RBFOX1: variants seen among roughly 807,000 people sequenced by gnomAD.
The protein encoded by RBFOX1 is RNA binding protein fox-1 homolog 1.
In RBFOX1, 8 loss-of-function variants were observed where a neutral mutation model predicts 57.7. The ratio of observed to expected loss-of-function variants is 0.14; its 90% CI spans 0.08 to 0.25. The LOEUF is 0.25. Among genes scored for constraint, RBFOX1 ranks in the 10% least tolerant of loss-of-function variants. The probability of loss-of-function intolerance (pLI) is 1.00; values close to 1 mark genes in which losing one functional copy is unlikely to be tolerated. For synonymous variants in RBFOX1, 326 were observed against 222.4 expected, an observed-to-expected ratio of 1.47 and a Z score of -4.15; for missense variants, 611 against 548.5, an observed-to-expected ratio of 1.11 and a Z score of -1.14.
intron 3 of RBFOX1, among the ~76,000 whole-genome samples, chr16:7,004,499 A>T (rs1344303798): frequency 6.6e-6 from 1 of 152,162 alleles, no homozygotes; most frequent in Non-Finnish European, 1.5e-5. Flanking sequence ...AGGATCAGTA[A>T]GTTGGTATGC....
At chr16:7,340,530 C>A (rs1363028784) in intron 4 of RBFOX1, among the ~76,000 whole-genome samples, 1 of 152,196 alleles carries the variant, frequency 6.6e-6, no homozygotes, top group Non-Finnish European at 1.5e-5. Context: ...TTTTTACAGA[C>A]TAGTAAGTCA....
intron 4 of RBFOX1, among the ~76,000 whole-genome samples, chr16:7,079,403 A>G (rs1190707128): frequency 2.0e-5 from 3 of 152,192 alleles, no homozygotes; most frequent in Non-Finnish European, 4.4e-5. Flanking sequence ...AATGCTTCAT[A>G]TGGAAAGTTC....
intron 9 of RBFOX1, among the ~76,000 whole-genome samples, chr16:7,599,826 G>A (rs997921619): frequency 5.3e-5 from 8 of 150,622 alleles, no homozygotes; most frequent in Admixed American, 2.6e-4. Flanking sequence ...TTGTAGAGAC[G>A]GAGTTTCACC....
intron 2 of RBFOX1, among the ~76,000 whole-genome samples, chr16:6,368,741 C>A (rs2090021379): frequency 6.6e-6 from 1 of 152,208 alleles, no homozygotes; most frequent in Non-Finnish European, 1.5e-5. Flanking sequence ...CATGTTTACA[C>A]ATGACAGGCA....
intron 2 of RBFOX1, among the ~76,000 whole-genome samples, chr16:5,485,068 T>C (rs1227407685): frequency 6.7e-6 from 1 of 149,206 alleles, no homozygotes; most frequent in African/African-American, 2.5e-5. Context: ...AAGTTAAGGC[T>C]GGGCACAGTG....
intron 3 of RBFOX1, among the ~76,000 whole-genome samples, chr16:7,047,088 A>G (rs1248587856): frequency 6.7e-6 from 1 of 149,702 alleles, no homozygotes; most frequent in African/African-American, 2.5e-5. Context: ...ACATATTTTA[A>G]TGAACTCAAG....
At chr16:5,555,054 C>G (rs890461933) in intron 2 of RBFOX1, among the ~76,000 whole-genome samples, 1 of 152,076 alleles carries the variant, frequency 6.6e-6, no homozygotes, top group Non-Finnish European at 1.5e-5. Flanking sequence ...GAGAAGTTTT[C>G]TTTAATTAAT....
chr16:5,958,584 T>A (rs927690849), intron 4 of RBFOX1, among the ~76,000 whole-genome samples: 1 of 152,224 alleles, frequency 6.6e-6, no homozygotes, highest in Non-Finnish European at 1.5e-5. Flanking sequence ...AATGAGATAA[T>A]ACAGGTGTAT....
chr16:6,505,788 G>A (rs886848265), intron 2 of RBFOX1, among the ~76,000 whole-genome samples: 1 of 152,180 alleles, frequency 6.6e-6, no homozygotes, highest in African/African-American at 2.4e-5. Flanking sequence ...AGAATTCCTT[G>A]GAGGCAGTGG....
At chr16:6,964,283 T>C (rs55671384) in intron 3 of RBFOX1, among the ~76,000 whole-genome samples, 2 of 152,030 alleles carry the variant, frequency 1.3e-5, no homozygotes, top group African/African-American at 4.8e-5. Context: ...CCTCCCAAAG[T>C]GGTGGGATTA....
intron 4 of RBFOX1, among the ~76,000 whole-genome samples, chr16:7,401,215 G>T (rs910665940): frequency 6.6e-6 from 1 of 152,182 alleles, no homozygotes; most frequent in Admixed American, 6.5e-5. Flanking sequence ...AGTAGTTGGC[G>T]TAAAACCATT....
At chr16:6,741,985 C>T (rs2345490) in intron 3 of RBFOX1, among the ~76,000 whole-genome samples, 106,531 of 152,020 alleles carry the variant, frequency 0.7, 37,331 homozygotes, top group South Asian at 0.78. Flanking sequence ...GAGTAGATTT[C>T]AAATGTTTTC....
chr16:6,083,413 T>G (rs17139340), intron 1 of RBFOX1, among the ~76,000 whole-genome samples: 4,221 of 152,270 alleles, frequency 0.028, 97 homozygotes, highest in Admixed American at 0.056. Flanking sequence ...GATATGCTGT[T>G]GAAGTTTATT....
chr16:7,488,412 G>T (rs2065983378), intron 4 of RBFOX1, among the ~76,000 whole-genome samples: 1 of 146,308 alleles, frequency 6.8e-6, no homozygotes, highest in Non-Finnish European at 1.5e-5. Context: ...TCTATCTACT[G>T]TCTGCCTGTC....
chr16:5,253,825 C>A (rs2151083888), intron 1 of RBFOX1, among the ~76,000 whole-genome samples: 1 of 152,346 alleles, frequency 6.6e-6, no homozygotes, highest in Middle Eastern at 3.4e-3. Flanking sequence ...ACATCCTGCT[C>A]TTGCTGCCTG....
At chr16:5,716,788 C>G (rs1266321631) in intron 3 of RBFOX1, among the ~76,000 whole-genome samples, 1 of 152,186 alleles carries the variant, frequency 6.6e-6, no homozygotes, top group Non-Finnish European at 1.5e-5. Flanking sequence ...CCATTGGAAA[C>G]TGGAGCTCAA....
In RBFOX1 at chr16:6,916,306, C is replaced by T. The variant is rs932480877; in HGVS notation, c.-15-135751C>T. 4.6e-5 allele frequency among the ~76,000 whole-genome samples: 7 copies of T among 152,054 alleles called. No homozygotes were observed. In the East Asian group the frequency reaches 1.2e-3, roughly 25 times the overall value. ...CACAGGATACCATAGTTTGTTCATC[C>T]GTTGATGGACAGTTGGGTTGTTTTT... On this transcript the variant is annotated intron_variant, in intron 3 of 15. Transcript: ENST00000550418.
At chr16:6,376,875 CG>C (rs2152905948) in intron 2 of RBFOX1, among the ~76,000 whole-genome samples, 1 of 152,232 alleles carries the variant, frequency 6.6e-6, no homozygotes, top group African/African-American at 2.4e-5. Flanking sequence ...AGGGATCTGG[CG>C]GCCCTCAGCT....
chr16:6,982,239 A>T (rs2089113882), intron 3 of RBFOX1, among the ~76,000 whole-genome samples: 1 of 152,140 alleles, frequency 6.6e-6, no homozygotes, highest in Non-Finnish European at 1.5e-5. Context: ...CCGGGGAGAA[A>T]TGTAGCTGCT....
Sources: allele counts gnomAD v4.1 joint callset (sites outside exome capture counted in the v4.1 genomes callset), GRCh38; gene constraint gnomAD v4.1.1; transcripts MANE v1.5; gene names NCBI Gene and HGNC (gene_info 2026-07-23, HGNC 2026-07-21).